Variants in ZNF800 observed in about 807,000 individuals in gnomAD.
ZNF800 encodes the protein zinc finger protein 800.
Under a neutral mutation model 59.5 loss-of-function variants are expected in ZNF800, and 13 were observed. The ratio of observed to expected loss-of-function variants is 0.22; its 90% CI spans 0.14 to 0.35. The LOEUF (loss-of-function observed/expected upper bound fraction) is 0.35, where lower values mean the gene tolerates loss of function less well. Ranked by LOEUF, ZNF800 falls within the 10% of genes least tolerant of loss-of-function variation. ZNF800 has a pLI of 1.00. For synonymous variants in ZNF800, 266 were observed against 265.7 expected, an observed-to-expected ratio of 1.00 and a Z score of -0.01; for missense variants, 621 against 783.7, an observed-to-expected ratio of 0.79 and a Z score of 2.48.
intron 1 of ZNF800, 41 bp downstream of exon 1, chr7:127,392,019 G>A: frequency 2.6e-6 from 1 of 387,046 alleles, no homozygotes. Flanking sequence ...GGGTCTCCCT[G>A]GCGGAGACCC....
chr7:127,378,147 GT>G (rs1800840972), intron 3 of ZNF800, among the ~76,000 whole-genome samples: 6 of 151,956 alleles, frequency 3.9e-5, no homozygotes, highest in Admixed American at 3.3e-4. Context: ...CAAGTGTAAC[GT>G]ATTCAGCTCT....
Position 127,374,146 on chromosome 7 carries a change from G to A in ZNF800, c.1190C>T (p.Pro397Leu). The A allele has an allele frequency of 1.2e-6, 2 of 1,613,402 alleles. No individual in the cohort carries two copies. The highest frequency in any genetic ancestry group is 1.7e-6 in the Non-Finnish European group (2 of 1,179,838). ...SGTNSKREKG[P>L]NNTANSSEIK... ...TTCTGAACTGTTGGCAGTATTATTA[G>A]GGCCTTTTTCTCTTTTAGAGTTTGT... The change falls in exon 5 of 6, where the codon CCT becomes CTT. Residue 397 changes from proline (P) to leucine (L), a missense_variant. This residue lies in a region of ZNF800 where 185 missense variants were observed against 177.6 expected (regional missense o/e 1.04). Coordinates refer to ENST00000265827, the MANE Select transcript of ZNF800 (RefSeq NM_176814.5).
chr7:127,365,109 A>G (rs562810164), downstream of ZNF800, among the ~76,000 whole-genome samples: 1 of 152,282 alleles, frequency 6.6e-6, no homozygotes, highest in South Asian at 2.1e-4. Flanking sequence ...AGAATTATCA[A>G]GAAAAATCAC....
Position 127,392,306 on chromosome 7 carries a change from C to T in ZNF800, c.-305G>A, listed in dbSNP as rs1023920727. 9 of 387,544 alleles carry T rather than the reference C, an allele frequency of 2.3e-5. No homozygotes were observed. Among genetic ancestry groups the T allele is most frequent in the South Asian group, 1.3e-4 (1 of 7,528 alleles). The allele number at this position is 387,544 out of a possible 1,614,324, so 24.0% of individuals were successfully genotyped here. A position where few individuals can be genotyped will look rare whatever the true frequency, so the allele number is the denominator to read the frequency against. Reference sequence around the variant, plus strand: ...CGACTGCGGCGGCGGCTCACGGCGTCCTCCGCGCTGTGTGGCTAGGCGGGA... The same window carrying T: ...CGACTGCGGCGGCGGCTCACGGCGTTCTCCGCGCTGTGTGGCTAGGCGGGA... On this transcript the variant is annotated 5_prime_UTR_variant, in exon 1 of 6. Coordinates refer to ENST00000265827, the MANE Select transcript of ZNF800 (RefSeq NM_176814.5).
chr7:127,378,251 A>G (rs535208055), intron 3 of ZNF800, among the ~76,000 whole-genome samples: 1 of 152,226 alleles, frequency 6.6e-6, no homozygotes, highest in African/African-American at 2.4e-5. Flanking sequence ...GAAAAAATAA[A>G]TGGTAAAAAG....
At chr7:127,350,861 G>GC (rs1364300547) in intron 1 of ZNF800, among the ~76,000 whole-genome samples, 1 of 152,150 alleles carries the variant, frequency 6.6e-6, no homozygotes, top group Non-Finnish European at 1.5e-5. Context: ...TGCACCAGCT[G>GC]CCCCCAGAGT....
chr7:127,373,289 T>C, intron 5 of ZNF800, 53 bp downstream of exon 5: 1 of 1,524,984 alleles, frequency 6.6e-7, no homozygotes, highest in Non-Finnish European at 8.8e-7. Flanking sequence ...CAAATGATTT[T>C]TTTTTTAGTT....
chr7:127,379,481 C>T (rs558610269), intron 3 of ZNF800, among the ~76,000 whole-genome samples: 25 of 152,140 alleles, frequency 1.6e-4, no homozygotes, highest in Non-Finnish European at 3.5e-4. Context: ...ATAATGTGAA[C>T]TCGGTTTAAC....
rs548862328 is a variant in ZNF800, at chr7:127,362,279, T to C, written n.224+11063A>G. On this transcript the variant is annotated intron_variant and non_coding_transcript_variant, in intron 1 of 1. Transcript: ENST00000485577. ...AAGTGTGACACTAAAACTGCTTTGATTGAATCATTGTCAAGCCTGGTCCCA... is the reference window on the plus strand; with the variant it reads ...AAGTGTGACACTAAAACTGCTTTGACTGAATCATTGTCAAGCCTGGTCCCA... 2.6e-5 allele frequency: 4 copies of C among 152,240 alleles called. No individual in the cohort carries two copies. The South Asian group carries it at 8.3e-4, about 32-fold the overall frequency. The allele number at this position is 152,240 out of a possible 1,614,324, so 9.4% of individuals were successfully genotyped here.
chr7:127,345,104 T>G (rs6973848), downstream of ZNF800, among the ~76,000 whole-genome samples: 49,627 of 152,032 alleles, frequency 0.33, 9,369 homozygotes, highest in East Asian at 0.74. Context: ...ATATAAAAAG[T>G]TCTTACAAAT....
chr7:127,375,233 T>A (rs191173484), intron 4 of ZNF800, among the ~76,000 whole-genome samples, 199 bp from the exon 5 acceptor site: 1 of 152,152 alleles, frequency 6.6e-6, no homozygotes, highest in Non-Finnish European at 1.5e-5. Flanking sequence ...ATTCTCATCA[T>A]GATACACAAA....
At position 127,391,524 on chromosome 7, in the gene ZNF800, G is replaced by C; in HGVS notation, c.34C>G (p.His12Asp). 6.2e-7 allele frequency: 1 copy of C among 1,614,172 alleles called. No homozygotes were observed. The highest frequency in any genetic ancestry group is 8.5e-7 in the Non-Finnish European group (1 of 1,180,010). The part of the protein sequence containing the change: ...PLRDKYCQTD[H>D]HHHGCCEPVY... ...GGTTCACAGCATCCGTGATGATGGT[G>C]GTCAGTCTGACAGTATTTGTCCCTT... The change falls in exon 2 of 6, where the codon CAC (histidine) becomes GAC (aspartate). Residue 12 changes from histidine to aspartate, a missense_variant. Around this residue, in one of 7 missense-constraint regions of ZNF800, gnomAD observed 57 missense variants for 77.1 expected, o/e 0.74. Coordinates refer to ENST00000265827, the MANE Select transcript of ZNF800 (RefSeq NM_176814.5).
Position 127,392,388 on chromosome 7 carries a change from C to T in ZNF800, c.-387G>A. The T allele has an allele frequency of 5.3e-6, 2 of 380,902 alleles. No homozygotes were observed. The highest frequency in any genetic ancestry group is 6.7e-4 in the Middle Eastern group (1 of 1,482). The allele number at this position is 380,902 out of a possible 1,614,324, so 23.6% of individuals were successfully genotyped here. A position where few individuals can be genotyped will look rare whatever the true frequency, so the allele number is the denominator to read the frequency against. ...ACCGCCCGGCAGCAGCTGCCGCCGC[C>T]ACCACCGAAGGAGCCGGAACCGGAG... On this transcript the variant is annotated 5_prime_UTR_variant, in exon 1 of 6. Coordinates refer to ENST00000265827, the MANE Select transcript of ZNF800 (RefSeq NM_176814.5).
chr7:127,378,218 A>G (rs1172986106), intron 3 of ZNF800, among the ~76,000 whole-genome samples: 1 of 152,094 alleles, frequency 6.6e-6, no homozygotes, highest in African/African-American at 2.4e-5. Context: ...CCTAAGTACT[A>G]TGAAAGAATA....
downstream of ZNF800, among the ~76,000 whole-genome samples, chr7:127,345,899 A>G (rs1007521438): frequency 6.6e-6 from 1 of 152,164 alleles, no homozygotes; most frequent in Non-Finnish European, 1.5e-5. Flanking sequence ...GAGCTGAGAG[A>G]TGGTTCACAG....
At chr7:127,365,002 G>C (rs928656581) in intron 1 of ZNF800, among the ~76,000 whole-genome samples, 2 of 152,114 alleles carry the variant, frequency 1.3e-5, no homozygotes, top group Non-Finnish European at 2.9e-5. Context: ...ACAATTGTGG[G>C]CATGCTTTGT....
At position 127,392,075 on chromosome 7, in the gene ZNF800, G is replaced by C. The variant is rs1033283189; in HGVS notation, c.-74C>G. On this transcript the variant is annotated 5_prime_UTR_variant, in exon 1 of 6. Transcript: ENST00000265827. Reference sequence around the variant, plus strand: ...CCCAACTTACTCAACTCTTAGGGCGGGCCGGCGGGCGGGCGGAAGGAAGGA... The same window carrying C: ...CCCAACTTACTCAACTCTTAGGGCGCGCCGGCGGGCGGGCGGAAGGAAGGA... 5.1e-6 allele frequency: 2 copies of C among 391,234 alleles called. No homozygotes were observed. Among genetic ancestry groups the C allele is most frequent in the Admixed American group, 8.9e-5 (2 of 22,396 alleles). 24.2% of individuals were successfully genotyped at this position (391,234 alleles called of 1,614,324 possible).
At chr7:127,363,728 G>T (rs1437822486) in intron 1 of ZNF800, 1 of 151,948 alleles carries the variant, frequency 6.6e-6, no homozygotes, top group African/African-American at 2.4e-5. Context: ...CAATGCTCCT[G>T]GACTTCTAAA....
intron 1 of ZNF800, chr7:127,363,601 C>A (rs1800440191): frequency 6.6e-6 from 1 of 151,438 alleles, no homozygotes; most frequent in Non-Finnish European, 1.5e-5. Flanking sequence ...CGGGGCACCA[C>A]AGAGACACAG....
Sources: gnomAD v4.1 joint callset for allele counts (sites outside exome capture counted in the v4.1 genomes callset) on GRCh38, gnomAD v4.1.1 for gene constraint, gnomAD v4.1.1 regional missense constraint, MANE v1.5 for transcripts, NCBI Gene and HGNC (gene_info 2026-07-23, HGNC 2026-07-21) for gene names.